The following NXPE2 variants were observed in gnomAD, a reference collection of about 807,000 sequenced individuals.
NXPE2 encodes the protein neurexophilin and PC-esterase domain family member 2.
A neutral mutation model predicts 34.4 loss-of-function variants in NXPE2; 34 were observed. The ratio of observed to expected loss-of-function variants is 0.99; its 90% CI spans 0.75 to 1.31. NXPE2 has a LOEUF of 1.31. Among genes scored for constraint, NXPE2 ranks in the 40% most tolerant of loss-of-function variants. The pLI, the probability that NXPE2 is intolerant of heterozygous loss-of-function variation, is 0.00. For missense variants in NXPE2, 649 were observed against 672.5 expected, an observed-to-expected ratio of 0.97 and a Z score of 0.39; for synonymous variants, 235 against 231.3, an observed-to-expected ratio of 1.02 and a Z score of -0.15.
In NXPE2 at chr11:114,695,271, A is replaced by G. The variant is rs138561706; in HGVS notation, c.133-2774A>G. Among the ~76,000 whole-genome samples, 776 of 152,170 alleles carry G rather than the reference A, an allele frequency of 5.1e-3. 5 individuals are homozygous for G. Among genetic ancestry groups the G allele is most frequent in the African/African-American group, 0.018 (735 of 41,516 alleles). On this transcript the variant is annotated intron_variant, in intron 2 of 5. Coordinates refer to ENST00000389586, the MANE Select transcript of NXPE2 (RefSeq NM_182495.6). ...AATCCTATTTCTATACAGAATTCCT[A>G]TTGAGTTGGTTGTAAGATGTGCAGG...
At chr11:114,648,516 C>A in the NXPE2 span, among the ~76,000 whole-genome samples, 4 of 152,080 alleles carry the variant, frequency 2.6e-5, no homozygotes, top group Non-Finnish European at 5.9e-5. Flanking sequence ...CTAATTTAAA[C>A]GTTAATCTAC....
chr11:114,703,775 G>T (rs555659269), intron 3 of NXPE2, among the ~76,000 whole-genome samples: 1 of 152,214 alleles, frequency 6.6e-6, no homozygotes, highest in African/African-American at 2.4e-5. Context: ...CGTATGGAGG[G>T]TGAATGACTT....
At chr11:114,580,213 A>T in the NXPE2 span, 9 of 1,614,090 alleles carry the variant, frequency 5.6e-6, no homozygotes, top group South Asian at 8.8e-5. Context: ...CCTCTCAGGC[A>T]TTCCTTCATT....
At chr11:114,741,074 G>GGACA in the NXPE2 span, among the ~76,000 whole-genome samples, 3 of 152,016 alleles carry the variant, frequency 2.0e-5, no homozygotes, top group African/African-American at 7.2e-5. Flanking sequence ...CATTTCTGTA[G>GGACA]GACAGATTTT....
the NXPE2 span, among the ~76,000 whole-genome samples, chr11:114,784,352 G>A: frequency 6.6e-6 from 1 of 152,084 alleles, no homozygotes; most frequent in South Asian, 2.1e-4. Flanking sequence ...TCATTATCTG[G>A]GGCTGATTTG....
chr11:114,655,442 G>T, the NXPE2 span, among the ~76,000 whole-genome samples: 3 of 152,126 alleles, frequency 2.0e-5, no homozygotes, highest in African/African-American at 7.2e-5. Flanking sequence ...TTCTTCTAGG[G>T]TTTTTATGGT....
At chr11:114,474,756 C>T in the NXPE2 span, among the ~76,000 whole-genome samples, 2 of 152,268 alleles carry the variant, frequency 1.3e-5, no homozygotes, top group African/African-American at 4.8e-5. Context: ...ATATTGAGTA[C>T]TTACTGTGTG....
the NXPE2 span, among the ~76,000 whole-genome samples, chr11:114,663,543 C>T: frequency 6.6e-6 from 1 of 151,614 alleles, no homozygotes; most frequent in East Asian, 1.9e-4. Context: ...CACCAGGCCC[C>T]TTCACCATCT....
chr11:114,650,773 A>G, the NXPE2 span, among the ~76,000 whole-genome samples: 2 of 152,144 alleles, frequency 1.3e-5, no homozygotes, highest in African/African-American at 4.8e-5. Flanking sequence ...AAGGAGGAGC[A>G]AGAACTCTGG....
At chr11:114,620,036 C>T in the NXPE2 span, among the ~76,000 whole-genome samples, 1,544 of 144,088 alleles carry the variant, frequency 0.011, 21 homozygotes, top group African/African-American at 0.037. Flanking sequence ...TGGATACTCA[C>T]TACTGCCTCG....
chr11:114,551,231 A>G, the NXPE2 span: 3 of 1,456,072 alleles, frequency 2.1e-6, no homozygotes, highest in Non-Finnish European at 1.9e-6. Flanking sequence ...ATGACACAAG[A>G]GAGGAGTCGT....
At chr11:114,471,829 G>A in the NXPE2 span, among the ~76,000 whole-genome samples, 1 of 152,110 alleles carries the variant, frequency 6.6e-6, no homozygotes, top group East Asian at 1.9e-4. Flanking sequence ...ATGCCTTTGA[G>A]GAAATGTAAT....
intron 2 of NXPE2, among the ~76,000 whole-genome samples, chr11:114,696,902 G>GT (rs1428762127): frequency 5.9e-5 from 9 of 151,982 alleles, no homozygotes; most frequent in Non-Finnish European, 1.3e-4. Flanking sequence ...TGTAAATGCT[G>GT]TTTTTTTCTT....
At chr11:114,468,926 C>T in the NXPE2 span, among the ~76,000 whole-genome samples, 1 of 151,966 alleles carries the variant, frequency 6.6e-6, no homozygotes, top group African/African-American at 2.4e-5. Context: ...AGAGTGGTTA[C>T]ATTACTACTA....
At chr11:114,590,043 A>G in the NXPE2 span, among the ~76,000 whole-genome samples, 2 of 152,166 alleles carry the variant, frequency 1.3e-5, no homozygotes, top group Admixed American at 1.3e-4. Context: ...CCTTTGAAGA[A>G]TGCTTCTGGC....
At chr11:114,738,729 C>T in the NXPE2 span, among the ~76,000 whole-genome samples, 2 of 152,130 alleles carry the variant, frequency 1.3e-5, no homozygotes, top group Admixed American at 6.5e-5. Flanking sequence ...CTGTGCATAC[C>T]ACCTGATGTT....
chr11:114,553,641 A>G, the NXPE2 span: 1 of 848,788 alleles, frequency 1.2e-6, no homozygotes, highest in Non-Finnish European at 1.4e-6. Flanking sequence ...GACTTCTTAG[A>G]ATCCTATGGC....
the NXPE2 span, among the ~76,000 whole-genome samples, chr11:114,726,042 G>T: frequency 0.97 from 140,236 of 144,718 alleles, 68,104 homozygotes; most frequent in Middle Eastern, 1. Flanking sequence ...AAGTGTTTCT[G>T]GCAGTGTGAA....
chr11:114,520,273 C>T, the NXPE2 span, among the ~76,000 whole-genome samples: 1 of 152,116 alleles, frequency 6.6e-6, no homozygotes, highest in African/African-American at 2.4e-5. Flanking sequence ...TCTCTTCCTC[C>T]CAGCCTGGAT....
Sources: allele counts gnomAD v4.1 joint callset (sites outside exome capture counted in the v4.1 genomes callset), GRCh38; gene constraint gnomAD v4.1.1; transcripts MANE v1.5; gene names NCBI Gene and HGNC (gene_info 2026-07-23, HGNC 2026-07-21).